The following MAP1S variants were observed in gnomAD, a reference collection of about 807,000 sequenced individuals.
MAP1S encodes the protein microtubule-associated protein 1S.
MAP1S carries 27 observed loss-of-function variants against 60.9 expected under a neutral mutation model. The ratio of observed to expected loss-of-function variants is 0.44; its 90% confidence interval spans 0.33 to 0.61. MAP1S has a LOEUF of 0.61. Among genes scored for constraint, MAP1S ranks in the 20% least tolerant of loss-of-function variants. The pLI, the probability that MAP1S is intolerant of heterozygous loss-of-function variation, is 0.03. For missense variants in MAP1S, 1,608 were observed against 1,486.6 expected (o/e 1.08, Z -1.34); for synonymous variants, 826 against 694.2 (o/e 1.19, Z -2.98).
chr19:17,727,877 CCCA>C lies in MAP1S; in HGVS notation c.2498_2500del (p.Pro833del). The C allele has an allele frequency of 6.2e-7, 1 of 1,613,168 alleles. No homozygotes were observed. The highest frequency in any genetic ancestry group is 1.3e-5 in the African/African-American group (1 of 75,018). ...CTTTGCCTGACCCCCTCAAGGTCCCCCCACCACTGCCTGACCCATCCAGCATCT... is the reference window on the plus strand; with the variant it reads ...CTTTGCCTGACCCCCTCAAGGTCCCCCCACTGCCTGACCCATCCAGCATCT... On this transcript the variant is annotated inframe_deletion, in exon 5 of 7. Transcript: ENST00000324096. This position sits in a 1 kb window ranked among gnomAD's most constrained non-coding sequence, Gnocchi z 4.1.
chr19:17,728,286 T>C, intron 5 of MAP1S, 114 bp downstream of exon 5: 1 of 1,199,636 alleles, frequency 8.3e-7, no homozygotes, highest in Non-Finnish European at 1.1e-6. Flanking sequence ...GGTCTCACTC[T>C]GTCTCTGAGC....
chr19:17,727,227 C>T lies in MAP1S; in HGVS notation c.1843C>T (p.Pro615Ser), dbSNP rs867020202. 1 of 1,564,738 alleles carries T rather than the reference C, an allele frequency of 6.4e-7. No individual in the cohort carries two copies. The change falls in exon 5 of 7, where the codon CCG (proline) becomes TCG (serine). Residue 615 changes from proline to serine, a missense_variant. Around this residue, in one of 4 missense-constraint regions of MAP1S, gnomAD observed 1,167 missense variants for 961.4 expected, o/e 1.21. Coordinates refer to ENST00000324096, the MANE Select transcript of MAP1S (RefSeq NM_018174.6). The surrounding 1 kb of genome is among the most constrained non-coding windows in gnomAD (Gnocchi z 4.1). ...GGCCACGCCCAGCCTGGAGCTGGGG[C>T]CGATCCCAGCCGGGGAGGAGAAGGC... is the stretch of plus-strand genomic sequence containing the variant. ...LVATPSLELG[P>S]IPAGEEKALE...
In MAP1S at chr19:17,725,230, A is replaced by C; in HGVS notation, c.444+41A>C. On this transcript the variant is annotated intron_variant, in intron 4 of 6. Coordinates refer to ENST00000324096, the MANE Select transcript of MAP1S (RefSeq NM_018174.6). This position sits in a 1 kb window ranked among gnomAD's most constrained non-coding sequence, Gnocchi z 4.2. ...GCCATCCCCTGCTTCCCCAGCTCTG[A>C]ATCCTGACTGGGGTGTATCAGGCTG... 6.3e-7 allele frequency: 1 copy of C among 1,577,470 alleles called. No homozygotes were observed. The highest frequency in any genetic ancestry group is 8.6e-7 in the Non-Finnish European group (1 of 1,162,224).
chr19:17,730,161 C>A (rs546893834), intron 5 of MAP1S, among the ~76,000 whole-genome samples: 2 of 152,146 alleles, frequency 1.3e-5, no homozygotes, highest in Non-Finnish European at 1.5e-5. Flanking sequence ...AGCTGCTTGA[C>A]GCTAGCCAGT....
At chr19:17,720,228 GTGGGTGGAGA>G (rs1043951961) in intron 1 of MAP1S, 33 of 1,379,434 alleles carry the variant, frequency 2.4e-5, no homozygotes, top group Non-Finnish European at 2.9e-5. Context: ...TGATGCGCCC[GTGGGTGGAGA>G]TGGGTGTTCA....
Position 17,725,173 on chromosome 19 carries a change from T to C in MAP1S, c.428T>C (p.Val143Ala). The C allele has an allele frequency of 6.2e-7, 1 of 1,613,258 alleles. No homozygotes were observed. Among genetic ancestry groups the C allele is most frequent in the South Asian group, 1.1e-5 (1 of 91,026 alleles). Residue 143 changes from valine to alanine, a missense_variant, in exon 4 of 7, where the codon GTC (valine) becomes GCC (alanine). By Grantham distance (64) the Val-to-Ala change is moderately conservative. Coordinates refer to ENST00000324096, the MANE Select transcript of MAP1S (RefSeq NM_018174.6). This position sits in a 1 kb window ranked among gnomAD's most constrained non-coding sequence, Gnocchi z 4.2. ...GGFSPHHFLQVLKDREIRDIL... is the reference protein window; with the variant it reads ...GGFSPHHFLQALKDREIRDIL... The stretch of plus-strand genomic sequence containing the variant: ...TTCTCGCCTCACCACTTCCTCCAGG[T>C]CCTGAAGGACAGAGAGGTAAGCCAC...
intron 3 of MAP1S, among the ~76,000 whole-genome samples, chr19:17,724,728 C>G (rs145828282): frequency 0.013 from 2,017 of 152,280 alleles, 21 homozygotes; most frequent in Non-Finnish European, 0.021. Context: ...GAGTGAGACA[C>G]AGACACCCCC....
In MAP1S at chr19:17,726,781, G is replaced by C; in HGVS notation, c.1397G>C (p.Gly466Ala). 6.4e-7 allele frequency: 1 copy of C among 1,555,276 alleles called. No homozygotes were observed. The highest frequency in any genetic ancestry group is 8.7e-7 in the Non-Finnish European group (1 of 1,152,378). Residue 466 changes from glycine (G) to alanine (A), a missense_variant, in exon 5 of 7, where the codon GGG (glycine) becomes GCG (alanine). Physicochemically the swap from Gly to Ala is moderately conservative, Grantham distance 60. Around this residue, in one of 4 missense-constraint regions of MAP1S, gnomAD observed 1,167 missense variants for 961.4 expected, o/e 1.21. Transcript: ENST00000324096. ...GTGGTGACGCCCCAGGACCTGGAGG[G>C]GCCGGGGCGAGCCGAGAGCAAAGAG... ...EPVVTPQDLE[G>A]PGRAESKESV...
At chr19:17,720,181 C>T in intron 1 of MAP1S, 5 of 1,344,520 alleles carry the variant, frequency 3.7e-6, no homozygotes, top group Non-Finnish European at 4.8e-6. Flanking sequence ...CTGCCAGGTT[C>T]ACCTGCAGCC....
intron 2 of MAP1S, among the ~76,000 whole-genome samples, chr19:17,721,623 T>C (rs1427724252): frequency 2.6e-5 from 4 of 152,094 alleles, no homozygotes; most frequent in Non-Finnish European, 5.9e-5. Flanking sequence ...ACAGTGGGGC[T>C]GAGACTGCGC....
chr19:17,734,382 T>G lies in MAP1S; in HGVS notation c.3134T>G (p.Val1045Gly). 1 of 1,613,502 alleles carries G rather than the reference T, an allele frequency of 6.2e-7. No homozygotes were observed. The highest frequency in any genetic ancestry group is 8.5e-7 in the Non-Finnish European group (1 of 1,179,932). The change falls in exon 7 of 7, where the codon GTG (valine) becomes GGG (glycine). Residue 1045 changes from valine to glycine, a missense_variant. Coordinates refer to ENST00000324096, the MANE Select transcript of MAP1S (RefSeq NM_018174.6). ...ACGGTGTTGGGCAGCAACAGCATGGTGTCCATGCAGGATGACGCCTTCCCG... is the reference window on the plus strand; with the variant it reads ...ACGGTGTTGGGCAGCAACAGCATGGGGTCCATGCAGGATGACGCCTTCCCG... Reference protein sequence around the residue: ...GITVLGSNSMVSMQDDAFPAC... With the variant: ...GITVLGSNSMGSMQDDAFPAC...
intron 1 of MAP1S, 193 bp from the exon 2 acceptor site, chr19:17,720,743 T>C (rs1445331613): frequency 1.6e-6 from 1 of 626,420 alleles, no homozygotes; most frequent in Non-Finnish European, 2.8e-6. Context: ...GTGTGTAAAA[T>C]GATGAGGTGT....
intron 1 of MAP1S, chr19:17,720,640 C>G: frequency 2.3e-6 from 2 of 868,000 alleles, no homozygotes; most frequent in Non-Finnish European, 3.4e-6. Flanking sequence ...ACAGCTGTTG[C>G]AAGGGCGGTG....
chr19:17,733,223 C>T lies in MAP1S; in HGVS notation c.2819C>T (p.Ala940Val). ...GCCAGCAGCCGGCCCGGGGTGTCAG[C>T]CACCCCACCCAAGTCCCCGGTCTAC... ...GSASSRPGVS[A>V]TPPKSPVYLD... The change falls in exon 6 of 7, where the codon GCC (alanine) becomes GTC (valine). Residue 940 changes from alanine to valine, a missense_variant. Ala to Val is a moderately conservative substitution (Grantham distance 64). Transcript: ENST00000324096. The T allele has an allele frequency of 1.3e-6, 2 of 1,545,220 alleles. No individual in the cohort carries two copies. Among genetic ancestry groups the T allele is most frequent in the East Asian group, 2.4e-5 (1 of 40,846 alleles).
intron 5 of MAP1S, among the ~76,000 whole-genome samples, chr19:17,732,688 C>T (rs1182985092): frequency 6.6e-6 from 1 of 152,226 alleles, no homozygotes; most frequent in East Asian, 1.9e-4. Context: ...AGCAAGTGAA[C>T]CAGACAAATG....
chr19:17,727,957 A>G lies in MAP1S; in HGVS notation c.2573A>G (p.Asn858Ser), dbSNP rs373696389. The change falls in exon 5 of 7, where the codon AAC becomes AGC. Residue 858 changes from asparagine (N) to serine (S), a missense_variant. Transcript: ENST00000324096. The surrounding 1 kb of genome is among the most constrained non-coding windows in gnomAD (Gnocchi z 4.1). Reference sequence around the variant, plus strand: ...CCCAAGACAGCACGGCAAACGGAGAACGTCAGCCGCACCCGGAAGCCCCTG... The same window carrying G: ...CCCAAGACAGCACGGCAAACGGAGAGCGTCAGCCGCACCCGGAAGCCCCTG... ...LPPKTARQTE[N>S]VSRTRKPLAR... 50 of 1,607,292 alleles carry G rather than the reference A, an allele frequency of 3.1e-5. No individual in the cohort carries two copies. In the African/African-American group the frequency reaches 5.9e-4, roughly 19 times the overall value.
At chr19:17,721,299 AG>A (rs1408835469) in intron 2 of MAP1S, 25 of 470,284 alleles carry the variant, frequency 5.3e-5, no homozygotes, top group Non-Finnish European at 9.0e-5. Flanking sequence ...ATCTCTGAGG[AG>A]GGGGTTTTTT....
intron 6 of MAP1S, 120 bp from the exon 7 acceptor site, chr19:17,734,153 A>G (rs1383833997): frequency 1.3e-6 from 1 of 794,078 alleles, no homozygotes; most frequent in Non-Finnish European, 2.0e-6. Flanking sequence ...GATCAGGGAA[A>G]AGCCAGGAGG....
At chr19:17,722,594 C>G (rs912662585) in intron 2 of MAP1S, among the ~76,000 whole-genome samples, 1 of 151,962 alleles carries the variant, frequency 6.6e-6, no homozygotes, top group Non-Finnish European at 1.5e-5. Context: ...ACTAAAAATA[C>G]AAAAATTAGC....
Sources: gnomAD v4.1 joint callset for allele counts (sites outside exome capture counted in the v4.1 genomes callset) on GRCh38, gnomAD v4.1.1 for gene constraint, gnomAD v4.1.1 regional missense constraint, Gnocchi (gnomAD v3.1) non-coding constraint, MANE v1.5 for transcripts, NCBI Gene and HGNC (gene_info 2026-07-23, HGNC 2026-07-21) for gene names.